The following CAMSAP2 variants were observed in gnomAD, a reference collection of about 807,000 sequenced individuals.
The protein encoded by CAMSAP2 is calmodulin-regulated spectrin-associated protein 2.
CAMSAP2 carries 26 observed loss-of-function variants against 146.1 expected under a neutral mutation model. That is an observed-to-expected ratio of 0.18 (90% CI 0.13 to 0.25). The LOEUF (loss-of-function observed/expected upper bound fraction) is 0.25, where lower values mean the gene tolerates loss of function less well. Ranked by LOEUF, CAMSAP2 falls within the 10% of genes least tolerant of loss-of-function variation. The pLI, the probability that CAMSAP2 is intolerant of heterozygous loss-of-function variation, is 1.00. For missense variants in CAMSAP2, 1,381 were observed against 1,759.3 expected (o/e 0.78, Z 3.85); for synonymous variants, 499 against 596.6 (o/e 0.84, Z 2.38).
At chr1:200,808,421 G>A (rs972962606) in intron 3 of CAMSAP2, among the ~76,000 whole-genome samples, 6 of 152,152 alleles carry the variant, frequency 3.9e-5, no homozygotes, top group Admixed American at 1.3e-4. Flanking sequence ...AGCACTAAAC[G>A]GATTTAAAAG....
chr1:200,796,913 T>C (rs1571764623), intron 2 of CAMSAP2, among the ~76,000 whole-genome samples: 1 of 151,612 alleles, frequency 6.6e-6, no homozygotes, highest in South Asian at 2.1e-4. Flanking sequence ...TGAGTGAGAA[T>C]ATGCGGTGTT....
rs1347740666 is a variant in CAMSAP2 at position 200,860,471 on chromosome 1, T to C, written c.*2412T>C. 6.5e-6 allele frequency: 1 copy of C among 152,732 alleles called. No homozygotes were observed. The highest frequency in any genetic ancestry group is 2.4e-5 in the African/African-American group (1 of 41,478). 9.5% of individuals were successfully genotyped at this position (152,732 alleles called of 1,614,324 possible). A position where few individuals can be genotyped will look rare whatever the true frequency, so the allele number is the denominator to read the frequency against. Reference sequence around the variant, plus strand: ...TTGGTTTTTCCGTTTTGTATTAGAATGACTGTTACAGTTTTATTTGGCTGT... The same window carrying C: ...TTGGTTTTTCCGTTTTGTATTAGAACGACTGTTACAGTTTTATTTGGCTGT... On this transcript the variant is annotated 3_prime_UTR_variant, in exon 17 of 17. Transcript: ENST00000358823.
At chr1:200,796,124 G>C (rs778195125) in intron 2 of CAMSAP2, among the ~76,000 whole-genome samples, 2 of 152,200 alleles carry the variant, frequency 1.3e-5, no homozygotes, top group South Asian at 2.1e-4. Context: ...GGGTATAGCA[G>C]AGTAGCAGTG....
At chr1:200,758,844 G>A (rs1664718828) in intron 1 of CAMSAP2, among the ~76,000 whole-genome samples, 1 of 151,854 alleles carries the variant, frequency 6.6e-6, no homozygotes, top group Non-Finnish European at 1.5e-5. Context: ...GGTACTTTTT[G>A]TTTGTCTTTA....
At chr1:200,751,871 G>C (rs1664515792) in intron 1 of CAMSAP2, among the ~76,000 whole-genome samples, 1 of 152,158 alleles carries the variant, frequency 6.6e-6, no homozygotes, top group African/African-American at 2.4e-5. Context: ...ATGGAGAATA[G>C]GGTTGGGCTG....
intron 2 of CAMSAP2, among the ~76,000 whole-genome samples, chr1:200,791,926 A>G (rs1665765463): frequency 6.6e-6 from 1 of 152,026 alleles, no homozygotes; most frequent in Non-Finnish European, 1.5e-5. Flanking sequence ...AGAACACGCC[A>G]CTGCACTCCA....
chr1:200,742,973 C>G (rs976074168), intron 1 of CAMSAP2, among the ~76,000 whole-genome samples: 16 of 151,958 alleles, frequency 1.1e-4, no homozygotes, highest in African/African-American at 3.9e-4. Context: ...TACAAATAGC[C>G]CAAATTTTAA....
chr1:200,829,676 C>T (rs1393123129), intron 4 of CAMSAP2, among the ~76,000 whole-genome samples: 1 of 151,618 alleles, frequency 6.6e-6, no homozygotes, highest in Non-Finnish European at 1.5e-5. Flanking sequence ...GCGCATAATC[C>T]CACACTTTGA....
intron 3 of CAMSAP2, among the ~76,000 whole-genome samples, chr1:200,812,821 A>G (rs1258645993): frequency 6.6e-6 from 1 of 152,172 alleles, no homozygotes; most frequent in Non-Finnish European, 1.5e-5. Context: ...ATTTGGCTCT[A>G]CCTCTGTTTC....
chr1:200,842,729 A>G (rs1207609636), intron 7 of CAMSAP2, among the ~76,000 whole-genome samples: 1 of 152,102 alleles, frequency 6.6e-6, no homozygotes, highest in Non-Finnish European at 1.5e-5. Context: ...TAATCCTAGC[A>G]CTTTGAGAGG....
At chr1:200,753,316 AAGAT>A (rs1294825964) in intron 1 of CAMSAP2, among the ~76,000 whole-genome samples, 32 of 151,626 alleles carry the variant, frequency 2.1e-4, no homozygotes, top group Middle Eastern at 3.4e-3. Context: ...AAAAAAAAAA[AAGAT>A]AGAGCACCCT....
At chr1:200,757,003 C>T (rs1664672967) in intron 1 of CAMSAP2, among the ~76,000 whole-genome samples, 1 of 151,968 alleles carries the variant, frequency 6.6e-6, no homozygotes, top group Non-Finnish European at 1.5e-5. Flanking sequence ...ATTACTGGTA[C>T]TATGAAGTTT....
intron 4 of CAMSAP2, among the ~76,000 whole-genome samples, chr1:200,824,482 C>T (rs531887893): frequency 6.6e-6 from 1 of 152,124 alleles, no homozygotes; most frequent in Non-Finnish European, 1.5e-5. Context: ...TTTAAAAATA[C>T]ACAAACATGA....
intron 3 of CAMSAP2, among the ~76,000 whole-genome samples, chr1:200,811,011 G>A (rs1385659702): frequency 6.6e-6 from 1 of 152,038 alleles, no homozygotes; most frequent in East Asian, 1.9e-4. Context: ...TTGCTATTTC[G>A]TTAGCCTGCT....
intron 4 of CAMSAP2, chr1:200,828,504 G>A (rs773364058): frequency 5.3e-5 from 76 of 1,429,646 alleles, no homozygotes; most frequent in Admixed American, 8.0e-5. Context: ...TTTGTTAATT[G>A]AAGATAATTC....
At chr1:200,783,567 C>T (rs535313015) in intron 2 of CAMSAP2, among the ~76,000 whole-genome samples, 12 of 152,236 alleles carry the variant, frequency 7.9e-5, no homozygotes, top group Non-Finnish European at 8.8e-5. Context: ...ACTGCAGCCT[C>T]GACTTCCTAG....
intron 4 of CAMSAP2, among the ~76,000 whole-genome samples, chr1:200,817,183 C>CACATATAAGTGTGTGTGTAT (rs1558192066): frequency 4.5e-5 from 3 of 66,318 alleles, no homozygotes; most frequent in Non-Finnish European, 8.0e-5. Context: ...TATATACACA[C>CACATATAAGTGTGTGTGTAT]ACACACATGT....
intron 4 of CAMSAP2, 145 bp downstream of exon 4, chr1:200,815,789 C>T (rs1666466580): frequency 2.5e-6 from 1 of 406,680 alleles, no homozygotes; most frequent in Non-Finnish European, 4.5e-6. Flanking sequence ...ACTGTAAACA[C>T]TAAGTAAATA....
chr1:200,829,141 G>A (rs1666980612), intron 4 of CAMSAP2, among the ~76,000 whole-genome samples: 2 of 152,222 alleles, frequency 1.3e-5, no homozygotes, highest in Admixed American at 1.3e-4. Context: ...GGCAACAAGA[G>A]TGAAACCGTC....
Sources: gnomAD v4.1 joint callset for allele counts (sites outside exome capture counted in the v4.1 genomes callset) on GRCh38, gnomAD v4.1.1 for gene constraint, MANE v1.5 for transcripts, NCBI Gene and HGNC (gene_info 2026-07-23, HGNC 2026-07-21) for gene names.